Variants in SLC7A1 observed in about 807,000 individuals in gnomAD.
SLC7A1 encodes the protein high affinity cationic amino acid transporter 1.
In SLC7A1, 10 loss-of-function variants were observed where a neutral mutation model predicts 53.9. That is an observed-to-expected ratio of 0.19 (90% CI 0.11 to 0.31). The LOEUF is 0.31. SLC7A1 is among the 10% of genes least tolerant of loss of function. The pLI is 1.00. For missense variants in SLC7A1, 525 were observed against 827.2 expected (o/e 0.63, Z 4.48); for synonymous variants, 342 against 338.7 (o/e 1.01, Z -0.11).
At chr13:29,540,075 A>G (rs1356667705) in intron 2 of SLC7A1, among the ~76,000 whole-genome samples, 3 of 152,186 alleles carry the variant, frequency 2.0e-5, no homozygotes, top group Non-Finnish European at 2.9e-5. Flanking sequence ...CAGGACTCCA[A>G]AGCTGGTTGT....
At chr13:29,555,672 G>C (rs1320603485) in intron 1 of SLC7A1, among the ~76,000 whole-genome samples, 4 of 151,058 alleles carry the variant, frequency 2.6e-5, no homozygotes, top group East Asian at 3.9e-4. Flanking sequence ...AAAAAAAAAG[G>C]GGGGGCGGGC....
intron 2 of SLC7A1, among the ~76,000 whole-genome samples, chr13:29,543,659 G>T (rs1176471393): frequency 6.6e-6 from 1 of 152,050 alleles, no homozygotes; most frequent in Non-Finnish European, 1.5e-5. Flanking sequence ...GAGGGAGAAG[G>T]GTGGGGAGGA....
chr13:29,572,865 T>A (rs991241118), intron 1 of SLC7A1, among the ~76,000 whole-genome samples: 4 of 152,050 alleles, frequency 2.6e-5, no homozygotes, highest in Admixed American at 2.6e-4. Context: ...AAGGGCCAAC[T>A]CAACATGGTA....
chr13:29,595,106 G>A (rs1035265960), intron 1 of SLC7A1, among the ~76,000 whole-genome samples: 2 of 151,738 alleles, frequency 1.3e-5, no homozygotes, highest in Admixed American at 1.3e-4. Context: ...GGACAGGCGC[G>A]CGGAGCGGGC....
In SLC7A1 at chr13:29,523,505, T is replaced by A. The variant is rs191472736; in HGVS notation, c.827-17A>T. On this transcript the variant is annotated splice_polypyrimidine_tract_variant and intron_variant, in intron 6 of 12. Coordinates refer to ENST00000380752, the MANE Select transcript of SLC7A1 (RefSeq NM_003045.5). ...CCTCTTCACCTAGAAGCACAAGGGGTCAGCGGAGGAGGGCACACAGCAAGA... is the reference window on the plus strand; with the variant it reads ...CCTCTTCACCTAGAAGCACAAGGGGACAGCGGAGGAGGGCACACAGCAAGA... 1.9e-6 allele frequency: 3 copies of A among 1,588,696 alleles called. No homozygotes were observed. Among genetic ancestry groups the A allele is most frequent in the East Asian group, 4.5e-5 (2 of 44,734 alleles).
chr13:29,555,444 C>G (rs1347410703), intron 1 of SLC7A1, among the ~76,000 whole-genome samples: 1 of 144,406 alleles, frequency 6.9e-6, no homozygotes, highest in Non-Finnish European at 1.5e-5. Context: ...AACATTAATT[C>G]AATAGTATTT....
intron 1 of SLC7A1, among the ~76,000 whole-genome samples, chr13:29,591,015 T>C (rs1339488693): frequency 6.6e-6 from 1 of 151,800 alleles, no homozygotes; most frequent in Non-Finnish European, 1.5e-5. Context: ...GAGGCTGAGG[T>C]GGGAGGATCG....
intron 5 of SLC7A1, 63 bp downstream of exon 5, chr13:29,530,474 AT>A: frequency 7.2e-7 from 1 of 1,392,258 alleles, no homozygotes; most frequent in Non-Finnish European, 1.0e-6. Flanking sequence ...AGCCAGTTAT[AT>A]CCCCCATACA....
rs965220161 is a variant in SLC7A1, at chr13:29,512,001, A to G, written c.*2479T>C. The stretch of plus-strand genomic sequence containing the variant: ...TTTTGCTTGTGTGTATTTTTATTTC[A>G]GGGAAAGAAATGAGGGATATGATAA... On this transcript the variant is annotated 3_prime_UTR_variant, in exon 13 of 13. Transcript: ENST00000380752. The G allele has an allele frequency of 6.6e-6, 1 of 152,032 alleles. No individual in the cohort carries two copies. The highest frequency in any genetic ancestry group is 6.6e-5 in the Admixed American group (1 of 15,264). The allele number at this position is 152,032 out of a possible 1,614,324, so 9.4% of individuals were successfully genotyped here.
chr13:29,574,828 T>G (rs1286344027), intron 1 of SLC7A1, among the ~76,000 whole-genome samples: 1 of 151,988 alleles, frequency 6.6e-6, no homozygotes, highest in Non-Finnish European at 1.5e-5. Flanking sequence ...TGTATTTCAG[T>G]ATAGACGGGG....
In SLC7A1 at chr13:29,564,750, A is replaced by G. The variant is rs532753445; in HGVS notation, c.-114-10890T>C. ...CCTGGGCAAATTACTCTGAATCTCAATATCCTGCCTTCTCCAATGCAGAAA... is the reference window on the plus strand; with the variant it reads ...CCTGGGCAAATTACTCTGAATCTCAGTATCCTGCCTTCTCCAATGCAGAAA... On this transcript the variant is annotated intron_variant, in intron 1 of 12. Coordinates refer to ENST00000380752, the MANE Select transcript of SLC7A1 (RefSeq NM_003045.5). 7.2e-5 allele frequency among the ~76,000 whole-genome samples: 11 copies of G among 152,360 alleles called. No individual in the cohort carries two copies. In the East Asian group the frequency reaches 1.7e-3, roughly 24 times the overall value.
chr13:29,550,586 A>G (rs912426060), intron 2 of SLC7A1, among the ~76,000 whole-genome samples: 7 of 152,218 alleles, frequency 4.6e-5, no homozygotes, highest in Admixed American at 2.0e-4. Flanking sequence ...AGCAGCCTGC[A>G]TGTCGGCCAA....
rs1355024429 is a variant in SLC7A1, at chr13:29,517,798, G to A, written c.1293-8C>T. On this transcript the variant is annotated splice_region_variant and splice_polypyrimidine_tract_variant and intron_variant, in intron 9 of 12. Transcript: ENST00000380752. ...GGCTGCTCTGGCTGGTACCTGGGAA[G>A]AAAGGCATTGCGTGACCGCCACATC... The A allele has an allele frequency of 1.2e-6, 2 of 1,610,114 alleles. No homozygotes were observed. Among genetic ancestry groups the A allele is most frequent in the Non-Finnish European group, 1.7e-6 (2 of 1,176,790 alleles).
chr13:29,516,941 C>T (rs112614954), intron 11 of SLC7A1: 1 of 493,616 alleles, frequency 2.0e-6, no homozygotes. Flanking sequence ...AGGGAAACGT[C>T]CAGGGGAGAA....
Position 29,532,993 on chromosome 13 carries a change from G to A in SLC7A1, c.371-11C>T, listed in dbSNP as rs753691652. 1 of 1,610,612 alleles carries A rather than the reference G, an allele frequency of 6.2e-7. No homozygotes were observed. The highest frequency in any genetic ancestry group is 1.7e-5 in the Admixed American group (1 of 59,436). On this transcript the variant is annotated splice_polypyrimidine_tract_variant and intron_variant, in intron 3 of 12. Transcript: ENST00000380752. ...CTACGCTTGAAGTACCTGCCACAAA[G>A]CACACACAACAGAGGAGATGTGAGG...
rs539233686 is a variant in SLC7A1 at position 29,512,065 on chromosome 13, C to T, written c.*2415G>A. The T allele has an allele frequency of 4.6e-5, 7 of 152,246 alleles. No homozygotes were observed. The highest frequency in any genetic ancestry group is 1.7e-4 in the African/African-American group (7 of 41,548). The allele number at this position is 152,246 out of a possible 1,614,324, so 9.4% of individuals were successfully genotyped here. A position where few individuals can be genotyped will look rare whatever the true frequency, so the allele number is the denominator to read the frequency against. On this transcript the variant is annotated 3_prime_UTR_variant, in exon 13 of 13. Transcript: ENST00000380752. ...AAAATTGTAAGGCTTACTCCAGACA[C>T]CATTGCTTAAATCACTCCCCTCTCA... is the stretch of plus-strand genomic sequence containing the variant.
chr13:29,560,062 C>T (rs542776679), intron 1 of SLC7A1, among the ~76,000 whole-genome samples: 7 of 152,132 alleles, frequency 4.6e-5, no homozygotes, highest in Non-Finnish European at 8.8e-5. Context: ...GCTTAAAACA[C>T]AAAACATTAC....
At chr13:29,562,917 G>A (rs1458057677) in intron 1 of SLC7A1, among the ~76,000 whole-genome samples, 2 of 152,178 alleles carry the variant, frequency 1.3e-5, no homozygotes, top group African/African-American at 4.8e-5. Flanking sequence ...TTGCACCCAG[G>A]AAAAGACCAT....
chr13:29,532,042 G>A (rs928402521), intron 4 of SLC7A1, among the ~76,000 whole-genome samples: 3 of 152,116 alleles, frequency 2.0e-5, no homozygotes, highest in African/African-American at 7.2e-5. Context: ...GCATGTTTCT[G>A]CCAGCTGGAC....
Sources: allele counts gnomAD v4.1 joint callset (sites outside exome capture counted in the v4.1 genomes callset), GRCh38; gene constraint gnomAD v4.1.1; transcripts MANE v1.5; gene names NCBI Gene and HGNC (gene_info 2026-07-23, HGNC 2026-07-21).